The following MCM3AP variants were observed in gnomAD, a reference collection of about 807,000 sequenced individuals.
MCM3AP encodes germinal-center associated nuclear protein.
In MCM3AP, 126 loss-of-function variants were observed where a neutral mutation model predicts 184.1. The ratio of observed to expected loss-of-function variants is 0.68; its 90% CI spans 0.59 to 0.79. The LOEUF (loss-of-function observed/expected upper bound fraction) is 0.79. MCM3AP is among the 30% of genes least tolerant of loss of function. MCM3AP has a pLI of 0.00. For synonymous variants in MCM3AP, 1,002 were observed against 979.3 expected (o/e 1.02, Z -0.43); for missense variants, 2,496 against 2,479.2 (o/e 1.01, Z -0.14).
At chr21:46,258,737 A>ATGTGTG (rs55695472) in intron 16 of MCM3AP, among the ~76,000 whole-genome samples, 11 of 150,198 alleles carry the variant, frequency 7.3e-5, no homozygotes, top group Admixed American at 1.3e-4. Flanking sequence ...CTTATATTGT[A>ATGTGTG]TGTGTGTGTG....
At chr21:46,280,656 GCAC>G in intron 2 of MCM3AP, 81 bp from the exon 3 acceptor site, 3 of 926,072 alleles carry the variant, frequency 3.2e-6, no homozygotes, top group Middle Eastern at 4.3e-4. Context: ...AATGCAGTAA[GCAC>G]AACAGACCAT....
chr21:46,254,371 C>T (rs1670148041), intron 19 of MCM3AP, 21 bp downstream of exon 19: 3 of 1,612,930 alleles, frequency 1.9e-6, no homozygotes, highest in Non-Finnish European at 2.5e-6. Context: ...GGAAACCCCA[C>T]AGGGGAAAAC....
chr21:46,283,641 GC>G lies in MCM3AP; in HGVS notation c.1416del (p.Lys472AsnfsTer36). ...TGATCAAAGAAATGTACCACTGCAA[GC>G]TTTTTGCTGCGCCTGGTAAAGATGC... Reference protein sequence around the residue: ...VQRIFTRRSKKLAVVHFFDHA... With the variant: ...VQRIFTRRSKXLAVVHFFDHA... On this transcript the variant is annotated frameshift_variant, in exon 2 of 28. Coordinates refer to ENST00000291688, the MANE Select transcript of MCM3AP (RefSeq NM_003906.5). LOFTEE classifies it high-confidence loss of function. 4 of 1,613,836 alleles carry G rather than the reference GC, an allele frequency of 2.5e-6. No individual in the cohort carries two copies. The highest frequency in any genetic ancestry group is 3.4e-6 in the Non-Finnish European group (4 of 1,179,790).
At chr21:46,266,336 G>A (rs896193522) in intron 10 of MCM3AP, 170 bp from the exon 11 acceptor site, 7 of 641,500 alleles carry the variant, frequency 1.1e-5, no homozygotes, top group Non-Finnish European at 1.8e-5. Flanking sequence ...AGCCTCTGTA[G>A]GTCCCTAGAA....
At position 46,245,184 on chromosome 21, in the gene MCM3AP, A is replaced by G; in HGVS notation, c.4661T>C (p.Val1554Ala). 1 of 1,601,114 alleles carries G rather than the reference A, an allele frequency of 6.2e-7. No individual in the cohort carries two copies. The highest frequency in any genetic ancestry group is 1.1e-5 in the South Asian group (1 of 89,630). Residue 1554 changes from valine to alanine, a missense_variant, in exon 23 of 28, where the codon GTG becomes GCG. Val to Ala is a moderately conservative substitution (Grantham distance 64). This residue lies in a region of MCM3AP where 1,323 missense variants were observed against 1,273.4 expected (regional missense o/e 1.04). Coordinates refer to ENST00000291688, the MANE Select transcript of MCM3AP (RefSeq NM_003906.5). ...GGGGCAGTGGGAAACCAGCCACTGC[A>G]CTGCTTGCAAAACCTGAGAAGAAAG... The part of the protein sequence containing the change: ...LQGSTKVLQA[V>A]QWLVSHCPHS...
Position 46,243,602 on chromosome 21 carries a change from C to T in MCM3AP, c.5159G>A (p.Arg1720Lys). ...TGGGGAGGGACTCTTGCTCTTCCAC[C>T]TACAGTAGGTTCTGTGGAGCAGGTT... ...VENLLHRTYC[R>K]WKSKSPSPVH... The change falls in exon 24 of 28, where the codon AGG (arginine) becomes AAG (lysine). Residue 1720 changes from arginine (R) to lysine (K), a missense_variant. By Grantham distance (26) the Arg-to-Lys change is conservative. This residue lies in a region of MCM3AP where 1,323 missense variants were observed against 1,273.4 expected (regional missense o/e 1.04). Transcript: ENST00000291688. The T allele has an allele frequency of 6.2e-7, 1 of 1,614,256 alleles. No homozygotes were observed. The highest frequency in any genetic ancestry group is 8.5e-7 in the Non-Finnish European group (1 of 1,180,054).
chr21:46,284,335 C>T lies in MCM3AP; in HGVS notation c.952G>A (p.Gly318Ser). Reference protein sequence around the residue: ...PAEDSDPLSRGDHPPDKRPVR... With the variant: ...PAEDSDPLSRSDHPPDKRPVR... The stretch of plus-strand genomic sequence containing the variant: ...GGTCGTTTGTCTGGAGGATGATCGC[C>T]CCGGGACAGAGGATCCGAATCTTCT... The change falls in exon 1 of 28, where the codon GGC (glycine) becomes AGC (serine). Residue 318 changes from glycine (G) to serine (S), a missense_variant. By Grantham distance (56) the Gly-to-Ser change is moderately conservative. This residue lies in a region of MCM3AP where 800 missense variants were observed against 717.1 expected (regional missense o/e 1.12). Coordinates refer to ENST00000291688, the MANE Select transcript of MCM3AP (RefSeq NM_003906.5). 1 of 1,614,206 alleles carries T rather than the reference C, an allele frequency of 6.2e-7. No homozygotes were observed. The highest frequency in any genetic ancestry group is 8.5e-7 in the Non-Finnish European group (1 of 1,180,036).
intron 6 of MCM3AP, among the ~76,000 whole-genome samples, chr21:46,274,626 G>A (rs1013145794): frequency 6.6e-6 from 1 of 152,054 alleles, no homozygotes; most frequent in Non-Finnish European, 1.5e-5. Context: ...GAAACAGACA[G>A]GAATAAGATC....
Position 46,256,805 on chromosome 21 carries a change from C to T in MCM3AP, c.3916G>A (p.Gly1306Ser). Residue 1306 changes from glycine to serine, a missense_variant, in exon 17 of 28, where the codon GGC becomes AGC. By Grantham distance (56) the Gly-to-Ser change is moderately conservative (BLOSUM62 0). Coordinates refer to ENST00000291688, the MANE Select transcript of MCM3AP (RefSeq NM_003906.5). ...LLDLGHAGRL[G>S]ISCTRLRRLR... ...GATGCTGACCTGGTGCAGGAGATGC[C>T]CAATCTCCCTGCATGGCCCAGGTCC... The T allele has an allele frequency of 6.4e-7, 1 of 1,555,458 alleles. No homozygotes were observed. Among genetic ancestry groups the T allele is most frequent in the Non-Finnish European group, 8.7e-7 (1 of 1,149,482 alleles).
intron 27 of MCM3AP, among the ~76,000 whole-genome samples, chr21:46,235,714 T>C (rs193201708): frequency 2.2e-4 from 33 of 152,332 alleles, no homozygotes; most frequent in African/African-American, 7.2e-4. Flanking sequence ...CGGAGCTTAC[T>C]GCAGCCTCAA....
chr21:46,256,557 C>T, intron 17 of MCM3AP: 1 of 571,996 alleles, frequency 1.7e-6, no homozygotes, highest in Non-Finnish European at 3.1e-6. Context: ...CTGAGTCTTT[C>T]AAGGTGAACT....
Position 46,243,796 on chromosome 21 carries a change from CAGG to C in MCM3AP, c.5039-77_5039-75del, listed in dbSNP as rs1326371462. The C allele has an allele frequency of 4.1e-6, 6 of 1,462,760 alleles. No individual in the cohort carries two copies. In the East Asian group the frequency reaches 1.4e-4, roughly 34 times the overall value. 90.6% of individuals were successfully genotyped at this position (1,462,760 alleles called of 1,614,324 possible). On this transcript the variant is annotated intron_variant, in intron 23 of 27. Coordinates refer to ENST00000291688, the MANE Select transcript of MCM3AP (RefSeq NM_003906.5). The stretch of plus-strand genomic sequence containing the variant: ...GAAAATGTACATGAAAACATTTTCT[CAGG>C]AGAAGGCAACTGTGAAGTTGAGAAG...
intron 23 of MCM3AP, 30 bp downstream of exon 23, chr21:46,244,777 C>T: frequency 1.3e-6 from 2 of 1,564,856 alleles, no homozygotes; most frequent in Non-Finnish European, 1.7e-6. Flanking sequence ...CTGCAGCCAC[C>T]CACCAGACCT....
intron 12 of MCM3AP, among the ~76,000 whole-genome samples, chr21:46,265,016 C>G (rs1281161514): frequency 6.6e-6 from 1 of 152,268 alleles, no homozygotes; most frequent in Non-Finnish European, 1.5e-5. Context: ...ACACGCCACC[C>G]CAGGTCACAC....
chr21:46,262,421 G>GA (rs1204404435), intron 13 of MCM3AP, among the ~76,000 whole-genome samples: 1 of 152,158 alleles, frequency 6.6e-6, no homozygotes, highest in Non-Finnish European at 1.5e-5. Flanking sequence ...GCTGAGGTGG[G>GA]AGCACTGCTT....
intron 22 of MCM3AP, among the ~76,000 whole-genome samples, chr21:46,245,454 GT>G (rs2080750724): frequency 6.6e-6 from 1 of 152,164 alleles, no homozygotes; most frequent in Non-Finnish European, 1.5e-5. Flanking sequence ...GACCTGCATG[GT>G]TGCCCCATGG....
intron 5 of MCM3AP, among the ~76,000 whole-genome samples, chr21:46,275,707 T>A (rs1464695315): frequency 6.6e-6 from 1 of 152,146 alleles, no homozygotes; most frequent in Non-Finnish European, 1.5e-5. Context: ...TGACAAAAAA[T>A]CATGGTGCAG....
At chr21:46,282,223 A>G (rs994967963) in intron 2 of MCM3AP, among the ~76,000 whole-genome samples, 1 of 152,174 alleles carries the variant, frequency 6.6e-6, no homozygotes, top group African/African-American at 2.4e-5. Context: ...AGCAATTCCA[A>G]TCCTAAGAAT....
chr21:46,272,723 G>A lies in MCM3AP; in HGVS notation c.2303C>T (p.Ser768Phe). 1 of 1,614,110 alleles carries A rather than the reference G, an allele frequency of 6.2e-7. No homozygotes were observed. Among genetic ancestry groups the A allele is most frequent in the South Asian group, 1.1e-5 (1 of 91,084 alleles). ...CAHFMCEEPM[S>F]SFDAKINNEN... ...ATTATTGATCTTGGCATCAAAGGAG[G>A]ACATGGGCTCCTCACACATGAAGTG... is the stretch of plus-strand genomic sequence containing the variant. The change falls in exon 8 of 28, where the codon TCC becomes TTC. Residue 768 changes from serine to phenylalanine, a missense_variant. By Grantham distance (155) the Ser-to-Phe change is radical (BLOSUM62 -2). Transcript: ENST00000291688.
Sources: allele counts gnomAD v4.1 joint callset (sites outside exome capture counted in the v4.1 genomes callset), GRCh38; gene constraint gnomAD v4.1.1; regional missense constraint gnomAD v4.1.1; transcripts MANE v1.5; gene names NCBI Gene and HGNC (gene_info 2026-07-23, HGNC 2026-07-21).